MYO16: variants seen among roughly 807,000 people sequenced by gnomAD.
MYO16 encodes myosin XVI, also known as unconventional myosin-XVI.
Under a neutral mutation model 205.3 loss-of-function variants are expected in MYO16, and 94 were observed. That is an observed-to-expected ratio of 0.46 (90% CI 0.39 to 0.54). The LOEUF (loss-of-function observed/expected upper bound fraction) is 0.54, where lower values mean the gene tolerates loss of function less well. Among genes scored for constraint, MYO16 ranks in the 20% least tolerant of loss-of-function variants. The pLI is 0.00. For synonymous variants in MYO16, 988 were observed against 954.0 expected (o/e 1.04, Z -0.66); for missense variants, 2,315 against 2,387.5 (o/e 0.97, Z 0.63).
At chr13:108,797,086 A>G (rs1433567416) in intron 6 of MYO16, among the ~76,000 whole-genome samples, 1 of 152,150 alleles carries the variant, frequency 6.6e-6, no homozygotes, top group East Asian at 1.9e-4. Context: ...CTCCTAATAA[A>G]TGTGTTGTGT....
chr13:108,796,958 G>T (rs747306468), intron 6 of MYO16, among the ~76,000 whole-genome samples: 1 of 151,708 alleles, frequency 6.6e-6, no homozygotes, highest in Non-Finnish European at 1.5e-5. Context: ...TAAAAAAAAA[G>T]AACTGACTGA....
chr13:109,012,127 G>A (rs1021139831), intron 22 of MYO16, among the ~76,000 whole-genome samples: 1 of 152,136 alleles, frequency 6.6e-6, no homozygotes, highest in Non-Finnish European at 1.5e-5. Flanking sequence ...GATTTGAAAT[G>A]TCAACAAAAA....
At chr13:109,203,594 C>T (rs1489409229) in intron 34 of MYO16, among the ~76,000 whole-genome samples, 4 of 152,108 alleles carry the variant, frequency 2.6e-5, no homozygotes, top group Non-Finnish European at 5.9e-5. Context: ...TCCGCCTTTG[C>T]CTTTCATTGC....
At chr13:108,507,074 A>G in the MYO16 span, among the ~76,000 whole-genome samples, 1 of 151,932 alleles carries the variant, frequency 6.6e-6, no homozygotes, top group Admixed American at 6.6e-5. Context: ...AACCCTAACC[A>G]TTCTTCTCTT....
intron 33 of MYO16, among the ~76,000 whole-genome samples, chr13:109,176,455 A>AGAGAC (rs1389541061): frequency 2.0e-5 from 3 of 151,470 alleles, no homozygotes; most frequent in South Asian, 4.2e-4. Context: ...ATGTTTATAG[A>AGAGAC]GAGACATGAA....
Position 108,757,031 on chromosome 13 carries a change from G to A in MYO16, c.508-28604G>A, listed in dbSNP as rs545855908. On this transcript the variant is annotated intron_variant, in intron 4 of 34. Coordinates refer to ENST00000457511, the MANE Select transcript of MYO16 (RefSeq NM_001198950.3). The stretch of plus-strand genomic sequence containing the variant: ...TGAAGATGTTGAAATAGAATGCCAT[G>A]ATTGCTTTTGATATTTTTGCAAATT... Among the ~76,000 whole-genome samples the A allele has an allele frequency of 2.0e-5, 3 of 152,248 alleles. No homozygotes were observed. The South Asian group carries it at 6.2e-4, about 32-fold the overall frequency.
intron 20 of MYO16, among the ~76,000 whole-genome samples, chr13:108,968,094 C>T (rs1883865038): frequency 1.3e-5 from 2 of 152,300 alleles, no homozygotes; most frequent in South Asian, 4.1e-4. Flanking sequence ...CAGTTTCGCT[C>T]CATCCACTCC....
rs1184769182 is a variant in MYO16, at chr13:109,202,467, A to AT, written c.5416-4136dup. 8.5e-5 allele frequency among the ~76,000 whole-genome samples: 13 copies of AT among 152,114 alleles called. No individual in the cohort carries two copies. In the South Asian group the frequency reaches 2.1e-3, roughly 24 times the overall value. On this transcript the variant is annotated intron_variant, in intron 34 of 34. Coordinates refer to ENST00000457511, the MANE Select transcript of MYO16 (RefSeq NM_001198950.3). ...TCCCTCACCAGTAGTGATGTTGAGC[A>AT]TTTTTTCATATGTTTGTTGGGCATT...
intron 1 of MYO16, among the ~76,000 whole-genome samples, chr13:108,603,835 A>G (rs1325376924): frequency 6.6e-6 from 1 of 152,136 alleles, no homozygotes; most frequent in Non-Finnish European, 1.5e-5. Context: ...TTTTTTTCTT[A>G]AACACTAATT....
chr13:108,775,890 T>C (rs1444315792), intron 4 of MYO16, among the ~76,000 whole-genome samples: 1 of 152,194 alleles, frequency 6.6e-6, no homozygotes, highest in Non-Finnish European at 1.5e-5. Flanking sequence ...TCTGGGGCTC[T>C]TTGGAGTATT....
intron 2 of MYO16, among the ~76,000 whole-genome samples, chr13:108,671,742 G>A (rs1881996481): frequency 6.6e-6 from 1 of 152,184 alleles, no homozygotes; most frequent in South Asian, 2.1e-4. Context: ...AGACAGGGAA[G>A]TCCAAGATCA....
intron 25 of MYO16, among the ~76,000 whole-genome samples, chr13:109,054,010 G>T (rs1250740308): frequency 1.3e-5 from 2 of 152,058 alleles, no homozygotes; most frequent in African/African-American, 4.8e-5. Context: ...TTTCCTTCTT[G>T]TATCAAGACC....
chr13:109,042,124 A>G (rs1019618173), intron 23 of MYO16, among the ~76,000 whole-genome samples: 1 of 152,150 alleles, frequency 6.6e-6, no homozygotes, highest in Non-Finnish European at 1.5e-5. Context: ...TCGGCCTCCA[A>G]AAGTGTTGAG....
the MYO16 span, among the ~76,000 whole-genome samples, chr13:108,565,352 T>C: frequency 1.3e-5 from 2 of 152,224 alleles, no homozygotes; most frequent in Non-Finnish European, 2.9e-5. Flanking sequence ...CTTCAGTTTT[T>C]TCATCAGTGT....
At chr13:109,066,941 A>G (rs555856370) in intron 27 of MYO16, among the ~76,000 whole-genome samples, 1 of 151,768 alleles carries the variant, frequency 6.6e-6, no homozygotes, top group South Asian at 2.1e-4. Flanking sequence ...TCGGATCCTA[A>G]TTTCTACTCT....
chr13:108,988,444 T>C (rs184448865), intron 20 of MYO16, among the ~76,000 whole-genome samples: 1 of 152,336 alleles, frequency 6.6e-6, no homozygotes, highest in African/African-American at 2.4e-5. Flanking sequence ...ATTTTCTTTT[T>C]TTTTTAAAAC....
At chr13:108,581,779 G>C in the MYO16 span, among the ~76,000 whole-genome samples, 3 of 151,644 alleles carry the variant, frequency 2.0e-5, no homozygotes, top group Non-Finnish European at 4.4e-5. Flanking sequence ...CAGCTACTCG[G>C]GAGACTGAGG....
chr13:108,829,116 G>A (rs1416876884), intron 9 of MYO16, among the ~76,000 whole-genome samples: 3 of 152,148 alleles, frequency 2.0e-5, no homozygotes, highest in Non-Finnish European at 2.9e-5. Context: ...TAAAATGGGG[G>A]CAGTCTTGAT....
intron 1 of MYO16, among the ~76,000 whole-genome samples, chr13:108,653,794 T>C (rs570096378): frequency 4.8e-4 from 72 of 150,964 alleles, no homozygotes; most frequent in African/African-American, 1.7e-3. Flanking sequence ...CATATATATA[T>C]ATGTGTGTAT....
Sources: gnomAD v4.1 joint callset for allele counts (sites outside exome capture counted in the v4.1 genomes callset) on GRCh38, gnomAD v4.1.1 for gene constraint, MANE v1.5 for transcripts, NCBI Gene and HGNC (gene_info 2026-07-23, HGNC 2026-07-21) for gene names.